Variants in CHSY3 observed in about 807,000 individuals in gnomAD.
CHSY3 encodes the protein chondroitin sulfate synthase 3.
CHSY3 carries 35 observed loss-of-function variants against 67.2 expected under a neutral mutation model. The observed-to-expected ratio is 0.52, with a 90% CI of 0.40 to 0.69. The LOEUF is 0.69. CHSY3 is among the 30% of genes least tolerant of loss of function. The pLI, the probability that CHSY3 is intolerant of heterozygous loss-of-function variation, is 0.00. For missense variants in CHSY3, 1,069 were observed against 1,138.5 expected (o/e 0.94, Z 0.88); for synonymous variants, 474 against 434.7 (o/e 1.09, Z -1.12).
intron 2 of CHSY3, among the ~76,000 whole-genome samples, chr5:130,173,986 T>C (rs1014961534): frequency 1.3e-5 from 2 of 152,080 alleles, no homozygotes; most frequent in African/African-American, 4.8e-5. Context: ...ACTAGTCTTA[T>C]AAAGGAAAGA....
intron 2 of CHSY3, among the ~76,000 whole-genome samples, chr5:130,080,704 G>T (rs958633836): frequency 5.3e-5 from 8 of 151,852 alleles, no homozygotes; most frequent in Non-Finnish European, 1.2e-4. Flanking sequence ...AGCCTGAGTG[G>T]ATTTGAGGTA....
At chr5:130,159,314 G>A (rs904430517) in intron 2 of CHSY3, among the ~76,000 whole-genome samples, 7 of 151,662 alleles carry the variant, frequency 4.6e-5, no homozygotes, top group East Asian at 2.0e-4. Flanking sequence ...ACAGGCGTGC[G>A]CCACCACACT....
At chr5:130,081,884 A>C (rs1296701106) in intron 2 of CHSY3, among the ~76,000 whole-genome samples, 23 of 152,130 alleles carry the variant, frequency 1.5e-4, no homozygotes, top group Non-Finnish European at 1.5e-5. Context: ...ATACATTCCC[A>C]ATCTATATAT....
rs578085102 is a variant in CHSY3 at position 130,065,213 on chromosome 5, G to T, written c.1087-119016G>T. On this transcript the variant is annotated intron_variant, in intron 2 of 2. Coordinates refer to ENST00000305031, the MANE Select transcript of CHSY3 (RefSeq NM_175856.5). ...GAACTTAGTGTTCATTATTTTGAAAGAATAAATCCACTTTAAAATAAGAAG... is the reference window on the plus strand; with the variant it reads ...GAACTTAGTGTTCATTATTTTGAAATAATAAATCCACTTTAAAATAAGAAG... Among the ~76,000 whole-genome samples the T allele has an allele frequency of 2.0e-5, 3 of 152,120 alleles. No homozygotes were observed. In the South Asian group the frequency reaches 6.2e-4, roughly 32 times the overall value.
intron 2 of CHSY3, among the ~76,000 whole-genome samples, chr5:130,089,102 C>T (rs1215735851): frequency 6.6e-6 from 1 of 151,488 alleles, no homozygotes; most frequent in Admixed American, 6.6e-5. Context: ...AATCATCATT[C>T]TCAGTAAACT....
intron 2 of CHSY3, among the ~76,000 whole-genome samples, chr5:130,174,882 CTGGCTCCAGA>C: frequency 6.6e-6 from 1 of 152,308 alleles, no homozygotes; most frequent in African/African-American, 2.4e-5. Flanking sequence ...TCCATGGCAT[CTGGCTCCAGA>C]ATCTAAGCAC....
chr5:130,076,122 T>A (rs2149684168), intron 2 of CHSY3, among the ~76,000 whole-genome samples: 1 of 152,230 alleles, frequency 6.6e-6, no homozygotes. Flanking sequence ...CCTGTGCCAT[T>A]GTACTTCTAT....
At chr5:130,002,534 G>A (rs1247575860) in intron 2 of CHSY3, among the ~76,000 whole-genome samples, 1 of 152,224 alleles carries the variant, frequency 6.6e-6, no homozygotes, top group African/African-American at 2.4e-5. Context: ...ATCCTGGCTA[G>A]CTTATTGTCC....
Position 129,905,341 on chromosome 5 carries a change from A to C in CHSY3, c.512A>C (p.Asp171Ala), listed in dbSNP as rs1223494309. Reference sequence around the variant, plus strand: ...GCCGCCCCGAGCGCCCGACCCCGGGACTTCCTGTACGTGGGGGTGATGACC... The same window carrying C: ...GCCGCCCCGAGCGCCCGACCCCGGGCCTTCCTGTACGTGGGGGTGATGACC... ...GAAAPSARPR[D>A]FLYVGVMTAQ... Residue 171 changes from aspartate (D) to alanine (A), a missense_variant, in exon 1 of 3, where the codon GAC (aspartate) becomes GCC (alanine). By Grantham distance (126) the Asp-to-Ala change is moderately radical (BLOSUM62 -2). Around this residue, in one of 5 missense-constraint regions of CHSY3, gnomAD observed 309 missense variants for 262.5 expected, o/e 1.18. Coordinates refer to ENST00000305031, the MANE Select transcript of CHSY3 (RefSeq NM_175856.5). The C allele has an allele frequency of 1.9e-6, 3 of 1,552,294 alleles. No homozygotes were observed. In the African/African-American group the frequency reaches 4.1e-5, roughly 21 times the overall value.
chr5:130,063,080 G>A (rs1019753174), intron 2 of CHSY3, among the ~76,000 whole-genome samples: 1 of 151,860 alleles, frequency 6.6e-6, no homozygotes, highest in Admixed American at 6.6e-5. Context: ...ATATTAAATG[G>A]CTATGTCTAT....
At chr5:130,128,073 A>C (rs1353576626) in intron 2 of CHSY3, among the ~76,000 whole-genome samples, 2 of 152,222 alleles carry the variant, frequency 1.3e-5, no homozygotes, top group African/African-American at 4.8e-5. Context: ...TTGTTCCAAG[A>C]AAATCTTTTC....
At chr5:130,103,017 C>T (rs371076408) in intron 2 of CHSY3, among the ~76,000 whole-genome samples, 2 of 151,728 alleles carry the variant, frequency 1.3e-5, no homozygotes, top group South Asian at 4.2e-4. Context: ...AATCACATGC[C>T]CAGCTAAAAA....
chr5:130,135,679 A>G (rs1361896887), intron 2 of CHSY3, among the ~76,000 whole-genome samples: 1 of 152,100 alleles, frequency 6.6e-6, no homozygotes, highest in Non-Finnish European at 1.5e-5. Context: ...TAATGTTGAG[A>G]AAGCTTTCAG....
At chr5:130,034,861 C>G (rs1055695143) in intron 2 of CHSY3, among the ~76,000 whole-genome samples, 1 of 151,982 alleles carries the variant, frequency 6.6e-6, no homozygotes, top group African/African-American at 2.4e-5. Flanking sequence ...GGATGAACAT[C>G]CCAGGCAGGC....
intron 2 of CHSY3, among the ~76,000 whole-genome samples, chr5:129,987,456 G>T (rs913979139): frequency 2.2e-4 from 33 of 152,164 alleles, no homozygotes; most frequent in African/African-American, 8.0e-4. Flanking sequence ...AATAACAGGA[G>T]ATGTTTCTTA....
chr5:130,179,525 AT>A (rs1770182520), intron 2 of CHSY3, among the ~76,000 whole-genome samples: 1 of 151,842 alleles, frequency 6.6e-6, no homozygotes, highest in South Asian at 2.1e-4. Flanking sequence ...GATAGAGTTT[AT>A]TTTTTAATCA....
At chr5:130,078,983 G>T (rs547467496) in intron 2 of CHSY3, among the ~76,000 whole-genome samples, 2 of 152,286 alleles carry the variant, frequency 1.3e-5, no homozygotes, top group South Asian at 4.1e-4. Flanking sequence ...AAGACATTAA[G>T]TATATACTGA....
chr5:130,051,517 G>A (rs544037765), intron 2 of CHSY3, among the ~76,000 whole-genome samples: 2 of 152,088 alleles, frequency 1.3e-5, no homozygotes, highest in Non-Finnish European at 2.9e-5. Context: ...ATACCACATG[G>A]TATATATGTA....
chr5:130,123,948 A>G (rs1316243130), intron 2 of CHSY3, among the ~76,000 whole-genome samples: 2 of 146,760 alleles, frequency 1.4e-5, no homozygotes, highest in Admixed American at 1.4e-4. Flanking sequence ...AGTCCCAGCT[A>G]CTGGGGAGGC....
Sources: allele counts gnomAD v4.1 joint callset (sites outside exome capture counted in the v4.1 genomes callset), GRCh38; gene constraint gnomAD v4.1.1; regional missense constraint gnomAD v4.1.1; transcripts MANE v1.5; gene names NCBI Gene and HGNC (gene_info 2026-07-23, HGNC 2026-07-21).